Variants in TRPM2 observed in about 807,000 individuals in gnomAD.
The protein encoded by TRPM2 is estrogen-responsive element-associated gene 1 protein.
TRPM2 carries 161 observed loss-of-function variants against 174.0 expected under a neutral mutation model. The observed-to-expected ratio is 0.93, with a 90% CI of 0.81 to 1.05. TRPM2 has a LOEUF of 1.05. Ranked by LOEUF, TRPM2 falls within the 50% of genes least tolerant of loss-of-function variation. The pLI, the probability that TRPM2 is intolerant of heterozygous loss-of-function variation, is 0.00. For missense variants in TRPM2, 2,057 were observed against 2,038.0 expected (o/e 1.01, Z -0.18); for synonymous variants, 954 against 861.3 (o/e 1.11, Z -1.88).
chr21:44,387,586 A>T (rs1055836735), intron 9 of TRPM2, among the ~76,000 whole-genome samples: 2 of 152,240 alleles, frequency 1.3e-5, no homozygotes, highest in Non-Finnish European at 2.9e-5. Context: ...GCATCAAAAG[A>T]TATTATCAAC....
chr21:44,385,392 A>G (rs2048991735), intron 9 of TRPM2, among the ~76,000 whole-genome samples: 1 of 152,260 alleles, frequency 6.6e-6, no homozygotes, highest in Non-Finnish European at 1.5e-5. Flanking sequence ...ACATTAAAAA[A>G]TAAGATCTTA....
chr21:44,378,983 C>CA lies in TRPM2; in HGVS notation c.1015-13dup. On this transcript the variant is annotated splice_polypyrimidine_tract_variant and intron_variant, in intron 7 of 31. Transcript: ENST00000397928. The stretch of plus-strand genomic sequence containing the variant: ...GGACCCAGTCCCGGGCTCACACCCC[C>CA]ACCTGCCTTGCAGACCATCGACAAC... 6.2e-7 allele frequency: 1 copy of CA among 1,600,670 alleles called. No homozygotes were observed. The highest frequency in any genetic ancestry group is 1.1e-5 in the South Asian group (1 of 91,006).
intron 22 of TRPM2, among the ~76,000 whole-genome samples, chr21:44,419,573 GTGATGGTAGT>G (rs2050441818): frequency 6.6e-6 from 1 of 151,438 alleles, no homozygotes; most frequent in East Asian, 2.0e-4. Context: ...GGTGGTGGTG[GTGATGGTAGT>G]GGTGGTAGTG....
chr21:44,373,986 A>G (rs2048620270), intron 5 of TRPM2, among the ~76,000 whole-genome samples: 1 of 150,692 alleles, frequency 6.6e-6, no homozygotes, highest in South Asian at 2.1e-4. Context: ...AATTCTGTTC[A>G]TGCCAGTATA....
chr21:44,435,829 A>G (rs1309968027), intron 28 of TRPM2, among the ~76,000 whole-genome samples: 1 of 138,176 alleles, frequency 7.2e-6, no homozygotes, highest in Non-Finnish European at 1.6e-5. Context: ...CCACGGGGAC[A>G]CAGCCCCACA....
At chr21:44,396,053 G>A (rs1309559631) in intron 12 of TRPM2, among the ~76,000 whole-genome samples, 1 of 38,804 alleles carries the variant, frequency 2.6e-5, no homozygotes, top group Non-Finnish European at 5.0e-5. Flanking sequence ...CTGTGGAGGG[G>A]TGTGGAGGGC....
rs2048707723 is a variant in TRPM2, at chr21:44,376,671, CG to C, written c.952+661del. Reference sequence around the variant, plus strand: ...TGGGATGGGATGGGTTTGAGGACGTCGGGAGGTCAAGTGCGGGGTTTTGCAT... The same window carrying C: ...TGGGATGGGATGGGTTTGAGGACGTCGGAGGTCAAGTGCGGGGTTTTGCAT... On this transcript the variant is annotated intron_variant, in intron 6 of 31. Transcript: ENST00000397928. The surrounding 1 kb of genome is among the most constrained non-coding windows in gnomAD (Gnocchi z 4.2). Among the ~76,000 whole-genome samples the C allele has an allele frequency of 6.6e-6, 1 of 152,080 alleles. No individual in the cohort carries two copies. The highest frequency in any genetic ancestry group is 1.5e-5 in the Non-Finnish European group (1 of 68,002).
intron 31 of TRPM2, 26 bp from the exon 32 acceptor site, chr21:44,441,666 G>T: frequency 6.3e-7 from 1 of 1,593,868 alleles, no homozygotes; most frequent in South Asian, 1.1e-5. Context: ...TGGCGGGGAG[G>T]GTCAGCTGTG....
At chr21:44,418,578 G>A (rs780820167) in intron 22 of TRPM2, 23 bp downstream of exon 22, 2 of 1,612,988 alleles carry the variant, frequency 1.2e-6, no homozygotes, top group African/African-American at 1.3e-5. Flanking sequence ...CGGTGGGCCT[G>A]GGGGCGGGAA....
chr21:44,418,836 C>T (rs142772871), intron 22 of TRPM2, among the ~76,000 whole-genome samples: 21 of 151,918 alleles, frequency 1.4e-4, no homozygotes, highest in African/African-American at 3.9e-4. Context: ...CAGGTTGGCC[C>T]GCAGGATCCG....
chr21:44,359,402 C>T (rs971848718), intron 2 of TRPM2, among the ~76,000 whole-genome samples: 4 of 151,914 alleles, frequency 2.6e-5, no homozygotes, highest in East Asian at 1.9e-4. Context: ...GGGGTTTGTA[C>T]GGATTTGGAT....
Position 44,391,242 on chromosome 21 carries a change from C to A in TRPM2, c.1441-30C>A. The A allele has an allele frequency of 6.3e-7, 1 of 1,589,182 alleles. No homozygotes were observed. On this transcript the variant is annotated intron_variant, in intron 10 of 31. Transcript: ENST00000397928. The surrounding 1 kb of genome is among the most constrained non-coding windows in gnomAD (Gnocchi z 5.0). ...GATGACATGGGGTGATGACCAAATGCAACCGTCACTGCACAATGCTTGCTC... is the reference window on the plus strand; with the variant it reads ...GATGACATGGGGTGATGACCAAATGAAACCGTCACTGCACAATGCTTGCTC...
chr21:44,408,188 C>G (rs1211939755), intron 19 of TRPM2, among the ~76,000 whole-genome samples: 2 of 152,046 alleles, frequency 1.3e-5, no homozygotes, highest in South Asian at 2.1e-4. Context: ...CTCAGGTGAT[C>G]CACCCGCCTC....
intron 27 of TRPM2, 52 bp from the exon 28 acceptor site, chr21:44,435,079 C>T: frequency 6.4e-7 from 1 of 1,574,446 alleles, no homozygotes; most frequent in Non-Finnish European, 8.7e-7. Flanking sequence ...CCTGCCCTGT[C>T]CTGCTCCCCC....
chr21:44,364,455 A>G (rs1159659901), intron 3 of TRPM2, among the ~76,000 whole-genome samples, 173 bp downstream of exon 3: 1 of 152,118 alleles, frequency 6.6e-6, no homozygotes, highest in African/African-American at 2.4e-5. Flanking sequence ...CAAGGCAAGC[A>G]AGACATGCAC....
At chr21:44,389,339 C>T (rs2049105315) in intron 9 of TRPM2, among the ~76,000 whole-genome samples, 1 of 152,120 alleles carries the variant, frequency 6.6e-6, no homozygotes. Flanking sequence ...TGTTGGGGTG[C>T]ATTTAGGTTG....
At chr21:44,357,662 A>T (rs1373895356) in intron 2 of TRPM2, among the ~76,000 whole-genome samples, 2 of 152,112 alleles carry the variant, frequency 1.3e-5, no homozygotes, top group Middle Eastern at 3.2e-3. Context: ...CATGGCAACC[A>T]CCCAAATCCC....
chr21:44,353,833 A>G lies in TRPM2; in HGVS notation c.133A>G (p.Arg45Gly). 1 of 1,601,630 alleles carries G rather than the reference A, an allele frequency of 6.2e-7. No homozygotes were observed. Among genetic ancestry groups the G allele is most frequent in the Admixed American group, 1.7e-5 (1 of 57,794 alleles). The change falls in exon 1 of 32, where the codon AGG (arginine) becomes GGG (glycine). Residue 45 changes from arginine to glycine, a missense_variant. By Grantham distance (125) the Arg-to-Gly change is moderately radical. Coordinates refer to ENST00000397928, the MANE Select transcript of TRPM2 (RefSeq NM_003307.4). ...RSNSSLFKSW[R>G]LQCPFGNNDK... ...CAACAGCAGCCTCTTCAAGAGCTGG[A>G]GGCTACAGTGCCCCTTCGGCAACAA... is the stretch of plus-strand genomic sequence containing the variant.
chr21:44,409,477 A>G (rs2776379), intron 19 of TRPM2, among the ~76,000 whole-genome samples: 82,479 of 132,462 alleles, frequency 0.62, 27,339 homozygotes, highest in East Asian at 0.71. Flanking sequence ...CTTGGTGAGC[A>G]TAGCCTTGTA....
Sources: gnomAD v4.1 joint callset for allele counts (sites outside exome capture counted in the v4.1 genomes callset) on GRCh38, gnomAD v4.1.1 for gene constraint, Gnocchi (gnomAD v3.1) non-coding constraint, MANE v1.5 for transcripts, NCBI Gene and HGNC (gene_info 2026-07-23, HGNC 2026-07-21) for gene names.